Variants in RIN2 observed in about 807,000 individuals in gnomAD.
The protein encoded by RIN2 is Ras and Rab interactor 2.
Under a neutral mutation model 78.0 loss-of-function variants are expected in RIN2, and 36 were observed. That is an observed-to-expected ratio of 0.46 (90% CI 0.35 to 0.61). The LOEUF (loss-of-function observed/expected upper bound fraction) is 0.61. RIN2 is among the 20% of genes least tolerant of loss of function. The pLI, the probability that RIN2 is intolerant of heterozygous loss-of-function variation, is 0.00. For synonymous variants in RIN2, 466 were observed against 466.8 expected (o/e 1.00, Z 0.02); for missense variants, 1,087 against 1,159.7 (o/e 0.94, Z 0.91).
intron 2 of RIN2, among the ~76,000 whole-genome samples, chr20:19,829,275 G>T (rs139126216): frequency 6.6e-6 from 1 of 152,242 alleles, no homozygotes; most frequent in Non-Finnish European, 1.5e-5. Context: ...GAAACCCAAA[G>T]TTGTATGGCG....
intron 9 of RIN2, among the ~76,000 whole-genome samples, chr20:19,979,157 T>C (rs1387670737): frequency 6.6e-6 from 1 of 152,270 alleles, no homozygotes; most frequent in Non-Finnish European, 1.5e-5. Context: ...TGACTTGATG[T>C]CAGTCTTGGG....
intron 3 of RIN2, 93 bp from the exon 4 acceptor site, chr20:19,935,006 C>G: frequency 2.4e-6 from 2 of 837,302 alleles, no homozygotes; most frequent in Non-Finnish European, 2.0e-6. Flanking sequence ...ATGGTCATCT[C>G]TGTTCCTATT....
At chr20:19,906,983 A>G (rs1389016392) in intron 3 of RIN2, among the ~76,000 whole-genome samples, 10 of 152,142 alleles carry the variant, frequency 6.6e-5, no homozygotes, top group African/African-American at 2.4e-4. Context: ...ACAGAGATTT[A>G]TATGCTACAA....
intron 1 of RIN2, among the ~76,000 whole-genome samples, chr20:19,799,088 A>T (rs1240853640): frequency 6.6e-6 from 1 of 151,988 alleles, no homozygotes; most frequent in African/African-American, 2.4e-5. Context: ...TTTGGTAGAG[A>T]CGGGATTTCA....
chr20:19,873,202 G>T (rs1028965030), intron 2 of RIN2, among the ~76,000 whole-genome samples: 5 of 151,626 alleles, frequency 3.3e-5, no homozygotes. Flanking sequence ...TCGGCTCACT[G>T]CAGCCTTGAT....
rs1284056511 is a variant in RIN2, at chr20:20,001,464, T to G, written c.*528T>G. ...TGCAGGTAAACTGTCAGGATTGGTTTTAAAATATTTTTGTAACTTTAAAAT... is the reference window on the plus strand; with the variant it reads ...TGCAGGTAAACTGTCAGGATTGGTTGTAAAATATTTTTGTAACTTTAAAAT... On this transcript the variant is annotated 3_prime_UTR_variant, in exon 13 of 13. Transcript: ENST00000255006. 1 of 151,358 alleles carries G rather than the reference T, an allele frequency of 6.6e-6. No individual in the cohort carries two copies. Among genetic ancestry groups the G allele is most frequent in the Non-Finnish European group, 1.5e-5 (1 of 67,938 alleles). 9.4% of individuals were successfully genotyped at this position (151,358 alleles called of 1,614,324 possible). A position where few individuals can be genotyped will look rare whatever the true frequency, so the allele number is the denominator to read the frequency against.
At chr20:19,842,991 CAA>C (rs1161080486) in intron 2 of RIN2, among the ~76,000 whole-genome samples, 2 of 151,938 alleles carry the variant, frequency 1.3e-5, no homozygotes, top group Non-Finnish European at 2.9e-5. Flanking sequence ...TTGAGGGACT[CAA>C]GACTTCTGTG....
At chr20:19,802,737 G>A (rs554850560) in intron 2 of RIN2, among the ~76,000 whole-genome samples, 2 of 152,040 alleles carry the variant, frequency 1.3e-5, no homozygotes, top group South Asian at 2.1e-4. Flanking sequence ...AGTCCTGAAG[G>A]CCCCCTCAAA....
chr20:19,987,019 T>C (rs1568709739), intron 9 of RIN2, among the ~76,000 whole-genome samples: 1 of 152,244 alleles, frequency 6.6e-6, no homozygotes, highest in East Asian at 1.9e-4. Flanking sequence ...GCTTTTGAAC[T>C]TCATATAAAC....
At chr20:19,835,027 AAAAGAG>A (rs961128406) in intron 2 of RIN2, among the ~76,000 whole-genome samples, 7 of 152,014 alleles carry the variant, frequency 4.6e-5, no homozygotes, top group Admixed American at 2.0e-4. Flanking sequence ...AGAGAGAGAA[AAAAGAG>A]AAAGAGAAAG....
chr20:19,935,215 G>T lies in RIN2; in HGVS notation c.158+16G>T. On this transcript the variant is annotated intron_variant, in intron 4 of 12. Transcript: ENST00000255006. ...AAACCCACAGGTGACCAGAGACACG[G>T]TTAGGTGATGGGTGCGAGAAAGGGA... 1.3e-6 allele frequency: 2 copies of T among 1,578,728 alleles called. No homozygotes were observed. The highest frequency in any genetic ancestry group is 1.3e-5 in the African/African-American group (1 of 74,214).
At chr20:19,982,142 C>A (rs919337142) in intron 9 of RIN2, among the ~76,000 whole-genome samples, 3 of 152,114 alleles carry the variant, frequency 2.0e-5, no homozygotes, top group Non-Finnish European at 4.4e-5. Flanking sequence ...TATGTCAGGG[C>A]GGAGACAACA....
intron 9 of RIN2, among the ~76,000 whole-genome samples, chr20:19,979,064 T>C (rs2042368949): frequency 6.6e-6 from 1 of 152,250 alleles, no homozygotes; most frequent in South Asian, 2.1e-4. Context: ...AACCAAAGTT[T>C]CTGGTAGAGA....
intron 2 of RIN2, among the ~76,000 whole-genome samples, chr20:19,842,282 G>C (rs903732961): frequency 1.9e-4 from 29 of 151,332 alleles, no homozygotes; most frequent in African/African-American, 7.0e-4. Context: ...GAGTGTAGTG[G>C]TGCGATCTTG....
At chr20:19,916,536 T>G (rs767030633) in intron 3 of RIN2, among the ~76,000 whole-genome samples, 6 of 152,098 alleles carry the variant, frequency 3.9e-5, no homozygotes, top group Non-Finnish European at 7.4e-5. Flanking sequence ...AGAGGATCGC[T>G]TTAGCCTGGG....
chr20:19,857,992 T>G (rs1481989921), intron 2 of RIN2, among the ~76,000 whole-genome samples: 1 of 152,226 alleles, frequency 6.6e-6, no homozygotes, highest in African/African-American at 2.4e-5. Context: ...GTTATTTGTC[T>G]TACATGTGCA....
intron 3 of RIN2, among the ~76,000 whole-genome samples, chr20:19,903,928 C>A (rs1422969286): frequency 6.6e-6 from 1 of 152,148 alleles, no homozygotes. Flanking sequence ...GAGCTCAGTA[C>A]CTGGCCGGTA....
intron 1 of RIN2, among the ~76,000 whole-genome samples, chr20:19,780,146 A>C (rs1179189995): frequency 1.3e-5 from 2 of 152,230 alleles, no homozygotes; most frequent in Non-Finnish European, 2.9e-5. Context: ...GATTCAGAGC[A>C]TGAATTGTTA....
intron 2 of RIN2, among the ~76,000 whole-genome samples, chr20:19,839,798 G>T (rs1003344867): frequency 1.3e-5 from 2 of 152,030 alleles, no homozygotes; most frequent in Non-Finnish European, 2.9e-5. Flanking sequence ...TAAAACACTT[G>T]GCTTCAAATC....
Sources: gnomAD v4.1 joint callset for allele counts (sites outside exome capture counted in the v4.1 genomes callset) on GRCh38, gnomAD v4.1.1 for gene constraint, MANE v1.5 for transcripts, NCBI Gene and HGNC (gene_info 2026-07-23, HGNC 2026-07-21) for gene names.